ARPP19: variants seen among roughly 807,000 people sequenced by gnomAD.
ARPP19 encodes cAMP regulated phosphoprotein 19, also known as cAMP-regulated phosphoprotein 19.
In ARPP19, 8 loss-of-function variants were observed where a neutral mutation model predicts 12.0. The ratio of observed to expected loss-of-function variants is 0.67; its 90% CI spans 0.39 to 1.21. The LOEUF (loss-of-function observed/expected upper bound fraction) is 1.21, where lower values mean the gene tolerates loss of function less well. Among genes scored for constraint, ARPP19 ranks in the 50% most tolerant of loss-of-function variants. ARPP19 has a pLI of 0.01. For synonymous variants in ARPP19, 47 were observed against 50.4 expected (o/e 0.93, Z 0.29); for missense variants, 102 against 136.3 (o/e 0.75, Z 1.25).
chr15:52,567,561 A>G (rs1812542003), intron 1 of ARPP19, among the ~76,000 whole-genome samples: 1 of 152,188 alleles, frequency 6.6e-6, no homozygotes, highest in East Asian at 1.9e-4. Flanking sequence ...AGCAGGTGAT[A>G]CTTAATAATA....
intron 1 of ARPP19, among the ~76,000 whole-genome samples, chr15:52,561,227 A>G (rs958731436): frequency 1.4e-4 from 21 of 152,246 alleles, no homozygotes; most frequent in Admixed American, 1.2e-3. Flanking sequence ...TACTTAAGCT[A>G]GAATGAAAAC....
chr15:52,558,050 T>C (rs1191240441), intron 1 of ARPP19, among the ~76,000 whole-genome samples: 6 of 152,250 alleles, frequency 3.9e-5, no homozygotes, highest in Non-Finnish European at 8.8e-5. Context: ...TTCTTCCATC[T>C]ATTCACTTTG....
intron 1 of ARPP19, among the ~76,000 whole-genome samples, chr15:52,559,712 C>T (rs759433245): frequency 1.3e-5 from 2 of 152,158 alleles, no homozygotes; most frequent in Non-Finnish European, 2.9e-5. Context: ...TGTAGGAAGG[C>T]GGGCTGAGTC....
chr15:52,568,106 C>T (rs1270000562), intron 1 of ARPP19, among the ~76,000 whole-genome samples: 1 of 152,228 alleles, frequency 6.6e-6, no homozygotes, highest in Non-Finnish European at 1.5e-5. Context: ...GGCCTATTCC[C>T]CTACATCAGG....
chr15:52,568,591 A>G (rs565956475), intron 1 of ARPP19: 21 of 441,086 alleles, frequency 4.8e-5, no homozygotes, highest in African/African-American at 3.5e-4. Context: ...TCGCGTAAAT[A>G]TAAGTGACTG....
chr15:52,564,049 T>G (rs775870302), intron 1 of ARPP19: 5 of 588,456 alleles, frequency 8.5e-6, no homozygotes, highest in African/African-American at 3.8e-5. Context: ...TAATATTTTA[T>G]GTTATAGTAA....
rs572686607 is a variant in ARPP19 at position 52,551,510 on chromosome 15, T to C, written c.*424A>G. The C allele has an allele frequency of 6.5e-6, 1 of 153,838 alleles. No individual in the cohort carries two copies. The highest frequency in any genetic ancestry group is 1.9e-4 in the East Asian group (1 of 5,214). The allele number at this position is 153,838 out of a possible 1,614,324, so 9.5% of individuals were successfully genotyped here. ...TGACCTTTCTTCTAACTTGTGGTCT[T>C]AAACTTCTGTTTTACAAAATCCAAA... On this transcript the variant is annotated 3_prime_UTR_variant, in exon 3 of 3. Transcript: ENST00000249822.
rs2078114602 is a variant in ARPP19 at position 52,568,932 on chromosome 15, A to G, written c.-40T>C. ...AGACGAGACGCCGGGAAAAGATGCA[A>G]TTAGCGGGTGGCCGAGGCCACCCGG... is the stretch of plus-strand genomic sequence containing the variant. On this transcript the variant is annotated 5_prime_UTR_variant, in exon 1 of 3. Coordinates refer to ENST00000249822, the MANE Select transcript of ARPP19 (RefSeq NM_006628.6). 2.3e-6 allele frequency: 2 copies of G among 877,350 alleles called. No individual in the cohort carries two copies. The highest frequency in any genetic ancestry group is 1.4e-5 in the South Asian group (1 of 73,090). The allele number at this position is 877,350 out of a possible 1,614,324, so 54.3% of individuals were successfully genotyped here.
At chr15:52,568,824 A>G (rs768289832) in intron 1 of ARPP19, 24 bp downstream of exon 1, 2 of 1,557,304 alleles carry the variant, frequency 1.3e-6, no homozygotes, top group South Asian at 2.3e-5. Context: ...GGCAGGGCCC[A>G]GGGCTCACGC....
At chr15:52,569,087 T>TGCCCCTCCC, upstream of ARPP19, 1 of 561,980 alleles carries the variant, frequency 1.8e-6, no homozygotes, top group Admixed American at 4.2e-5. Context: ...GGAGCCCGCC[T>TGCCCCTCCC]GCCCCTCCCG....
intron 2 of ARPP19, among the ~76,000 whole-genome samples, chr15:52,553,333 A>G (rs1406204182): frequency 3.9e-5 from 6 of 152,198 alleles, no homozygotes; most frequent in Non-Finnish European, 8.8e-5. Context: ...GACATGAAGT[A>G]TGACTACTGC....
At chr15:52,559,195 C>T (rs747707718) in intron 1 of ARPP19, among the ~76,000 whole-genome samples, 51 of 152,074 alleles carry the variant, frequency 3.4e-4, no homozygotes, top group Middle Eastern at 3.2e-3. Context: ...TTGACATGCA[C>T]GACATTCAAT....
At chr15:52,567,116 T>C (rs954347562) in intron 1 of ARPP19, among the ~76,000 whole-genome samples, 1 of 152,204 alleles carries the variant, frequency 6.6e-6, no homozygotes, top group African/African-American at 2.4e-5. Context: ...ACTGTGCACA[T>C]TTTCTTCATG....
chr15:52,566,421 A>C (rs1274879416), intron 1 of ARPP19, among the ~76,000 whole-genome samples: 1 of 152,066 alleles, frequency 6.6e-6, no homozygotes, highest in Non-Finnish European at 1.5e-5. Flanking sequence ...GACCTCCCAA[A>C]GTGCTGGGAT....
chr15:52,558,146 C>T (rs1326680145), intron 1 of ARPP19, among the ~76,000 whole-genome samples: 1 of 151,960 alleles, frequency 6.6e-6, no homozygotes, highest in Admixed American at 6.6e-5. Flanking sequence ...GCAAGTACTG[C>T]AGAAGAATTA....
intron 1 of ARPP19, among the ~76,000 whole-genome samples, chr15:52,561,511 A>G (rs1444937528): frequency 6.6e-6 from 1 of 152,228 alleles, no homozygotes; most frequent in Non-Finnish European, 1.5e-5. Context: ...TAAGTGTTCT[A>G]TGGTCCTGTA....
rs969158002 is a variant in ARPP19 at position 52,555,900 on chromosome 15, T to C, written c.168+1200A>G. Reference sequence around the variant, plus strand: ...TTATATTTCCTGTTAAAATCCTTTATCCAGGAGCACCTTAAGTGTTTTTCT... The same window carrying C: ...TTATATTTCCTGTTAAAATCCTTTACCCAGGAGCACCTTAAGTGTTTTTCT... On this transcript the variant is annotated intron_variant, in intron 2 of 2. Coordinates refer to ENST00000249822, the MANE Select transcript of ARPP19 (RefSeq NM_006628.6). Among the ~76,000 whole-genome samples the C allele has an allele frequency of 3.3e-5, 5 of 152,052 alleles. 1 individual carries two copies. Among genetic ancestry groups the C allele is most frequent in the South Asian group, 4.1e-4 (2 of 4,828 alleles).
intron 2 of ARPP19, among the ~76,000 whole-genome samples, chr15:52,554,284 A>C (rs971626693): frequency 2.0e-5 from 3 of 149,640 alleles, no homozygotes; most frequent in Non-Finnish European, 4.5e-5. Flanking sequence ...TGCTTGGGGG[A>C]AAGGAATTAA....
intron 2 of ARPP19, 29 bp from the exon 3 acceptor site, chr15:52,552,133 T>C (rs755680947): frequency 1.4e-6 from 2 of 1,402,264 alleles, no homozygotes; most frequent in South Asian, 2.3e-5. Context: ...AAAATTCAGA[T>C]TAGAGCTTAG....
Sources: gnomAD v4.1 joint callset for allele counts (sites outside exome capture counted in the v4.1 genomes callset) on GRCh38, gnomAD v4.1.1 for gene constraint, MANE v1.5 for transcripts, NCBI Gene and HGNC (gene_info 2026-07-23, HGNC 2026-07-21) for gene names.